Variants in STARD13 observed in about 807,000 individuals in gnomAD.
STARD13 encodes StAR related lipid transfer domain containing 13.
STARD13 carries 62 observed loss-of-function variants against 106.4 expected under a neutral mutation model. The ratio of observed to expected loss-of-function variants is 0.58; its 90% CI spans 0.48 to 0.72. The LOEUF (loss-of-function observed/expected upper bound fraction) is 0.72. Among genes scored for constraint, STARD13 ranks in the 30% least tolerant of loss-of-function variants. The probability of loss-of-function intolerance (pLI) is 0.00; values close to 1 mark genes in which losing one functional copy is unlikely to be tolerated. For synonymous variants in STARD13, 565 were observed against 553.0 expected (o/e 1.02, Z -0.31); for missense variants, 1,387 against 1,424.0 (o/e 0.97, Z 0.42).
the STARD13 span, among the ~76,000 whole-genome samples, chr13:33,497,047 GA>G: frequency 6.6e-6 from 1 of 152,042 alleles, no homozygotes; most frequent in Non-Finnish European, 1.5e-5. Context: ...TTATGGCAAG[GA>G]AAATAGACCT....
chr13:33,234,581 A>G (rs962724895), intron 1 of STARD13, among the ~76,000 whole-genome samples: 1 of 152,232 alleles, frequency 6.6e-6, no homozygotes, highest in African/African-American at 2.4e-5. Context: ...GACTTTTTTA[A>G]TGTTATGAAA....
chr13:33,140,158 C>G (rs1271863646), intron 4 of STARD13, among the ~76,000 whole-genome samples: 1 of 152,234 alleles, frequency 6.6e-6, no homozygotes, highest in Admixed American at 6.5e-5. Context: ...TCAAGCCCAT[C>G]TCGCCTCTGG....
the STARD13 span, among the ~76,000 whole-genome samples, chr13:33,472,428 T>C: frequency 6.6e-6 from 1 of 152,180 alleles, no homozygotes; most frequent in African/African-American, 2.4e-5. Context: ...GGGCTGAAAA[T>C]TTATCATAGT....
chr13:33,475,258 A>T, the STARD13 span, among the ~76,000 whole-genome samples: 1 of 152,150 alleles, frequency 6.6e-6, no homozygotes, highest in South Asian at 2.1e-4. Flanking sequence ...TAAGGTTACT[A>T]AGAATAAGAA....
chr13:33,587,570 CT>C, the STARD13 span, among the ~76,000 whole-genome samples: 1 of 152,162 alleles, frequency 6.6e-6, no homozygotes, highest in South Asian at 2.1e-4. Context: ...TCATTCACAC[CT>C]TTTCCTTGTC....
At chr13:33,660,364 T>A in the STARD13 span, among the ~76,000 whole-genome samples, 6 of 152,350 alleles carry the variant, frequency 3.9e-5, no homozygotes, top group South Asian at 4.1e-4. Flanking sequence ...CTCCAATTGT[T>A]AAAAATCTCT....
the STARD13 span, among the ~76,000 whole-genome samples, chr13:33,372,725 A>G: frequency 6.6e-6 from 1 of 152,090 alleles, no homozygotes; most frequent in African/African-American, 2.4e-5. Context: ...CTGAAAATAA[A>G]TCACAAAGCA....
At chr13:33,277,600 C>T (rs1891514513) in intron 1 of STARD13, 1 of 152,158 alleles carries the variant, frequency 6.6e-6, no homozygotes, top group Admixed American at 6.6e-5. Flanking sequence ...TCCTGTGGGG[C>T]AGTGACTCCA....
At chr13:33,106,478 C>T (rs909206215) in intron 13 of STARD13, among the ~76,000 whole-genome samples, 1 of 152,124 alleles carries the variant, frequency 6.6e-6, no homozygotes, top group East Asian at 1.9e-4. Flanking sequence ...ATGTGTCAGG[C>T]TCTGTTTCTG....
At chr13:33,152,034 C>T (rs1881349922) in intron 3 of STARD13, among the ~76,000 whole-genome samples, 1 of 152,178 alleles carries the variant, frequency 6.6e-6, no homozygotes, top group Admixed American at 6.5e-5. Flanking sequence ...TGATCATGCT[C>T]ATGTTTGGAT....
At chr13:33,311,428 A>G (rs1386124037) in intron 1 of STARD13, among the ~76,000 whole-genome samples, 1 of 152,216 alleles carries the variant, frequency 6.6e-6, no homozygotes, top group Admixed American at 6.5e-5. Context: ...GGCATATGAC[A>G]TGGATTTTTA....
chr13:33,227,541 C>G (rs1324811028), intron 1 of STARD13, among the ~76,000 whole-genome samples: 1 of 152,178 alleles, frequency 6.6e-6, no homozygotes, highest in Non-Finnish European at 1.5e-5. Flanking sequence ...ACTCTCTCAT[C>G]AGCCTAATTG....
At chr13:33,555,996 T>G in the STARD13 span, among the ~76,000 whole-genome samples, 1 of 152,222 alleles carries the variant, frequency 6.6e-6, no homozygotes, top group Non-Finnish European at 1.5e-5. Context: ...GCTGTGGAGC[T>G]TTCATAGACA....
At chr13:33,554,715 T>A in the STARD13 span, among the ~76,000 whole-genome samples, 35,306 of 152,080 alleles carry the variant, frequency 0.23, 4,648 homozygotes, top group East Asian at 0.42. Context: ...GAATGTTGTC[T>A]TACCCATTTC....
the STARD13 span, among the ~76,000 whole-genome samples, chr13:33,413,919 G>C: frequency 6.6e-6 from 1 of 151,146 alleles, no homozygotes; most frequent in Non-Finnish European, 1.5e-5. Context: ...CATAATCCCA[G>C]CTACTCAGGA....
chr13:33,662,799 C>G, the STARD13 span, among the ~76,000 whole-genome samples: 1 of 152,130 alleles, frequency 6.6e-6, no homozygotes, highest in African/African-American at 2.4e-5. Flanking sequence ...AGCTACAACC[C>G]TATTGGTCAA....
chr13:33,502,462 C>A, the STARD13 span, among the ~76,000 whole-genome samples: 1 of 152,132 alleles, frequency 6.6e-6, no homozygotes, highest in African/African-American at 2.4e-5. Flanking sequence ...TGTCTTGTGC[C>A]AGTTTTCAAA....
At chr13:33,506,288 T>G in the STARD13 span, among the ~76,000 whole-genome samples, 1 of 152,294 alleles carries the variant, frequency 6.6e-6, no homozygotes, top group South Asian at 2.1e-4. Context: ...AATCAGGTAC[T>G]TTTTTTGTGA....
chr13:33,242,179 T>A (rs1277629228), intron 1 of STARD13, among the ~76,000 whole-genome samples: 1 of 151,818 alleles, frequency 6.6e-6, no homozygotes, highest in East Asian at 1.9e-4. Flanking sequence ...GAGGAGCCCC[T>A]CCGCCCAGCA....
Sources: allele counts gnomAD v4.1 joint callset (sites outside exome capture counted in the v4.1 genomes callset), GRCh38; gene constraint gnomAD v4.1.1; transcripts MANE v1.5; gene names NCBI Gene and HGNC (gene_info 2026-07-23, HGNC 2026-07-21).